The following SCML2 variants were observed in gnomAD, a reference collection of about 807,000 sequenced individuals.
The protein encoded by SCML2 is sex comb on midleg-like protein 2.
A neutral mutation model predicts 48.4 loss-of-function variants in SCML2; 6 were observed. That is an observed-to-expected ratio of 0.12 (90% CI 0.07 to 0.24). The LOEUF (loss-of-function observed/expected upper bound fraction) is 0.24. Ranked by LOEUF, SCML2 falls within the 10% of genes least tolerant of loss-of-function variation. The probability of loss-of-function intolerance (pLI) is 1.00; values close to 1 mark genes in which losing one functional copy is unlikely to be tolerated. For synonymous variants in SCML2, 181 were observed against 189.5 expected, an observed-to-expected ratio of 0.95 and a Z score of 0.37; for missense variants, 377 against 528.2, an observed-to-expected ratio of 0.71 and a Z score of 2.81.
chrX:18,258,406 T>TGTAG (rs199793685), intron 9 of SCML2, among the ~76,000 whole-genome samples, 159 bp from the exon 10 acceptor site: 31,036 of 111,113 alleles, frequency 0.28, 3,817 homozygotes, highest in African/African-American at 0.47. Flanking sequence ...CCTAAAAATA[T>TGTAG]GTAAATATAT....
chrX:18,327,130 G>C (rs187864701), intron 3 of SCML2, among the ~76,000 whole-genome samples: 1 of 110,499 alleles, frequency 9.0e-6, no homozygotes, highest in East Asian at 2.9e-4. Context: ...CAGCACTTGG[G>C]AGGCCGAGGT....
At chrX:18,338,009 T>C (rs761992072) in intron 1 of SCML2, among the ~76,000 whole-genome samples, 2 of 112,436 alleles carry the variant, frequency 1.8e-5, no homozygotes, top group South Asian at 3.6e-4. Flanking sequence ...TCTGAAATAA[T>C]GCATGGGTCA....
Position 18,334,103 on chromosome X carries a change from G to A in SCML2, c.-24-8C>T, listed in dbSNP as rs1728442637. On this transcript the variant is annotated splice_region_variant and splice_polypyrimidine_tract_variant and intron_variant, in intron 1 of 14. Coordinates refer to ENST00000251900, the MANE Select transcript of SCML2 (RefSeq NM_006089.3). Reference sequence around the variant, plus strand: ...CCTATTTGGTGTTGTTTCCTACAAGGAGAAAAACCAATTAATGCCTCCTTT... The same window carrying A: ...CCTATTTGGTGTTGTTTCCTACAAGAAGAAAAACCAATTAATGCCTCCTTT... The A allele has an allele frequency of 8.7e-7, 1 of 1,152,568 alleles. No individual in the cohort carries two copies. Among genetic ancestry groups the A allele is most frequent in the Non-Finnish European group, 1.2e-6 (1 of 852,474 alleles). The allele number at this position is 1,152,568 out of a possible 1,213,427, so 95.0% of individuals were successfully genotyped here.
chrX:18,299,259 T>A (rs958428851), intron 7 of SCML2, among the ~76,000 whole-genome samples: 15 of 111,012 alleles, frequency 1.4e-4, no homozygotes, highest in South Asian at 3.8e-4. Flanking sequence ...CACGCCTGTA[T>A]TCCCAGCACT....
intron 7 of SCML2, among the ~76,000 whole-genome samples, chrX:18,272,455 A>G (rs755912868): frequency 1.3e-4 from 15 of 112,117 alleles, no homozygotes; most frequent in Non-Finnish European, 2.6e-4. Flanking sequence ...CCAGCTGAAC[A>G]CTAAGAATTT....
At chrX:18,271,133 G>C (rs1386321635) in intron 7 of SCML2, among the ~76,000 whole-genome samples, 1 of 111,532 alleles carries the variant, frequency 9.0e-6, no homozygotes, top group African/African-American at 3.3e-5. Flanking sequence ...AGGGAAACTA[G>C]AGAAAGAAAG....
chrX:18,272,908 T>G (rs1927507074), intron 7 of SCML2, among the ~76,000 whole-genome samples: 1 of 112,176 alleles, frequency 8.9e-6, no homozygotes, highest in Non-Finnish European at 1.9e-5. Flanking sequence ...CTTTAAAGAC[T>G]AGTCCATGTT....
chrX:18,246,552 TGA>T, intron 13 of SCML2, 23 bp downstream of exon 13: 7 of 1,175,831 alleles, frequency 6.0e-6, no homozygotes, highest in Non-Finnish European at 8.0e-6. Flanking sequence ...ACAAACACAT[TGA>T]GAGTCACTAT....
intron 9 of SCML2, among the ~76,000 whole-genome samples, chrX:18,259,657 CTG>C (rs1926988126): frequency 9.0e-6 from 1 of 111,188 alleles, no homozygotes; most frequent in African/African-American, 3.3e-5. Flanking sequence ...AAATAATAAA[CTG>C]AAAAAAATGA....
intron 10 of SCML2, 56 bp downstream of exon 10, chrX:18,257,988 A>G (rs1602082789): frequency 1.5e-6 from 1 of 657,002 alleles, no homozygotes; most frequent in Admixed American, 2.8e-5. Context: ...GGGGGAAGGG[A>G]AGGGGGAAGG....
chrX:18,305,182 C>T lies in SCML2; in HGVS notation c.520G>A (p.Val174Met). 1 of 1,203,550 alleles carries T rather than the reference C, an allele frequency of 8.3e-7. No individual in the cohort carries two copies. Among genetic ancestry groups the T allele is most frequent in the Non-Finnish European group, 1.1e-6 (1 of 891,861 alleles). The change falls in exon 7 of 15, where the codon GTG becomes ATG. Residue 174 changes from valine (V) to methionine (M), a missense_variant. Val to Met is a conservative substitution (Grantham distance 21). Coordinates refer to ENST00000251900, the MANE Select transcript of SCML2 (RefSeq NM_006089.3). ...TCAATAGCTTCCAGTTTCATCCCCA[C>T]TTTAAAATTATTTAGTGGGGGCTTT... ...PPKPPLNNFK[V>M]GMKLEAIDKK...
chrX:18,276,867 GTTTTC>G (rs764505964), intron 7 of SCML2, among the ~76,000 whole-genome samples: 8 of 111,214 alleles, frequency 7.2e-5, no homozygotes, highest in Non-Finnish European at 1.5e-4. Context: ...TGGGCACAGG[GTTTTC>G]TTTTAAGGTG....
chrX:18,263,683 T>C (rs1419001744), intron 8 of SCML2, among the ~76,000 whole-genome samples: 1 of 111,793 alleles, frequency 8.9e-6, no homozygotes, highest in Non-Finnish European at 1.9e-5. Context: ...TGAAGAAAAC[T>C]ATTGAATTCT....
intron 7 of SCML2, among the ~76,000 whole-genome samples, chrX:18,285,035 C>T (rs975021215): frequency 9.0e-5 from 8 of 88,842 alleles, no homozygotes; most frequent in African/African-American, 2.7e-4. Flanking sequence ...AGCGCAACTC[C>T]GCCTCAAAAA....
Position 18,354,589 on chromosome X carries a change from T to C in SCML2, c.-25+3A>G. On this transcript the variant is annotated splice_donor_region_variant and intron_variant, in intron 1 of 14. Transcript: ENST00000251900. ...CCTTACGGGGCCCGGAATCACCACG[T>C]ACCTCCAGTCTCGTCGGTGAAAACA... 2 of 274,137 alleles carry C rather than the reference T, an allele frequency of 7.3e-6. No individual in the cohort carries two copies. Among genetic ancestry groups the C allele is most frequent in the Non-Finnish European group, 1.3e-5 (2 of 155,043 alleles). 22.6% of individuals were successfully genotyped at this position (274,137 alleles called of 1,213,427 possible).
chrX:18,251,939 A>C, intron 11 of SCML2, among the ~76,000 whole-genome samples: 1 of 112,829 alleles, frequency 8.9e-6, no homozygotes, highest in Non-Finnish European at 1.9e-5. Flanking sequence ...TCAGCCATAA[A>C]AAGGAATGAA....
intron 8 of SCML2, among the ~76,000 whole-genome samples, chrX:18,264,555 T>C (rs1016904461): frequency 9.1e-6 from 1 of 110,408 alleles, no homozygotes; most frequent in African/African-American, 3.3e-5. Context: ...ATCTGGGTTA[T>C]ACTTGGGTCT....
intron 1 of SCML2, among the ~76,000 whole-genome samples, chrX:18,337,949 A>G (rs920248356): frequency 1.6e-4 from 18 of 112,320 alleles, no homozygotes; most frequent in Middle Eastern, 4.6e-3. Flanking sequence ...CTAGAAATCA[A>G]TAACAGAAAG....
At chrX:18,250,107 A>AG (rs1926593376) in intron 11 of SCML2, among the ~76,000 whole-genome samples, 4 of 99,954 alleles carry the variant, frequency 4.0e-5, no homozygotes, top group Non-Finnish European at 8.3e-5. Context: ...CCAGTTTTCA[A>AG]CAAAAAAAAA....
Sources: allele counts gnomAD v4.1 joint callset (sites outside exome capture counted in the v4.1 genomes callset), GRCh38; gene constraint gnomAD v4.1.1; transcripts MANE v1.5; gene names NCBI Gene and HGNC (gene_info 2026-07-23, HGNC 2026-07-21).